The following FNIP1 variants were observed in gnomAD, a reference collection of about 807,000 sequenced individuals.
FNIP1 encodes folliculin interacting protein 1, also known as folliculin-interacting protein 1.
Under a neutral mutation model 124.5 loss-of-function variants are expected in FNIP1, and 40 were observed. The ratio of observed to expected loss-of-function variants is 0.32; its 90% CI spans 0.25 to 0.42. The LOEUF (loss-of-function observed/expected upper bound fraction) is 0.42. Ranked by LOEUF, FNIP1 falls within the 10% of genes least tolerant of loss-of-function variation. The pLI, the probability that FNIP1 is intolerant of heterozygous loss-of-function variation, is 1.00. For missense variants in FNIP1, 1,176 were observed against 1,403.7 expected (o/e 0.84, Z 2.59); for synonymous variants, 472 against 470.6 (o/e 1.00, Z -0.04).
intron 10 of FNIP1, among the ~76,000 whole-genome samples, chr5:131,701,969 G>C (rs1055069803): frequency 6.6e-6 from 1 of 152,102 alleles, no homozygotes; most frequent in African/African-American, 2.4e-5. Flanking sequence ...AAAAACTCTG[G>C]TGACAGCCAC....
intron 2 of FNIP1, among the ~76,000 whole-genome samples, chr5:131,733,065 C>T (rs1431269087): frequency 6.6e-6 from 1 of 151,884 alleles, no homozygotes; most frequent in Non-Finnish European, 1.5e-5. Flanking sequence ...AGTTGGATTC[C>T]TAGGTATTTT....
At chr5:131,777,586 G>A (rs898186175) in intron 1 of FNIP1, among the ~76,000 whole-genome samples, 4 of 152,000 alleles carry the variant, frequency 2.6e-5, no homozygotes, top group African/African-American at 7.2e-5. Context: ...AAAACAAAAG[G>A]AAATATCAAC....
chr5:131,765,531 A>C (rs1278277046), intron 1 of FNIP1, among the ~76,000 whole-genome samples: 1 of 152,234 alleles, frequency 6.6e-6, no homozygotes, highest in Admixed American at 6.5e-5. Flanking sequence ...TAAAAGGCAA[A>C]TGTAAGCATG....
chr5:131,720,050 C>T (rs949731922), intron 3 of FNIP1, among the ~76,000 whole-genome samples: 5 of 152,078 alleles, frequency 3.3e-5, no homozygotes, highest in Non-Finnish European at 7.4e-5. Flanking sequence ...CCAAATCAAC[C>T]TTGAAAAAGA....
chr5:131,733,371 T>C (rs147390193), intron 2 of FNIP1, among the ~76,000 whole-genome samples: 97,452 of 152,008 alleles, frequency 0.64, 33,101 homozygotes, highest in Non-Finnish European at 0.77. Context: ...CTATGTTGAA[T>C]AGGAGTGGTG....
chr5:131,668,274 C>G (rs1188633874), intron 15 of FNIP1, among the ~76,000 whole-genome samples: 1 of 152,136 alleles, frequency 6.6e-6, no homozygotes, highest in Non-Finnish European at 1.5e-5. Context: ...TTTGAGAATT[C>G]CATAAATATT....
intron 11 of FNIP1, among the ~76,000 whole-genome samples, chr5:131,695,089 AG>A (rs1449257722): frequency 6.7e-5 from 10 of 149,994 alleles, no homozygotes; most frequent in Non-Finnish European, 1.0e-4. Flanking sequence ...TGGGCCACAG[AG>A]TGAGACACTG....
chr5:131,761,942 A>G (rs1771245549), intron 1 of FNIP1, among the ~76,000 whole-genome samples: 1 of 152,150 alleles, frequency 6.6e-6, no homozygotes, highest in South Asian at 2.1e-4. Context: ...AGAATACAGA[A>G]CCCAGAAACA....
chr5:131,663,714 G>C (rs10064930), intron 15 of FNIP1, among the ~76,000 whole-genome samples: 11,361 of 152,220 alleles, frequency 0.075, 873 homozygotes, highest in African/African-American at 0.2. Context: ...ATGGAGTTAG[G>C]CAGGTCCCCT....
chr5:131,761,893 T>A (rs970277758), intron 1 of FNIP1, among the ~76,000 whole-genome samples: 1 of 152,272 alleles, frequency 6.6e-6, no homozygotes, highest in African/African-American at 2.4e-5. Context: ...CAAATCAGCA[T>A]GATACTGGTA....
At chr5:131,768,310 C>G (rs577559784) in intron 1 of FNIP1, among the ~76,000 whole-genome samples, 2 of 152,138 alleles carry the variant, frequency 1.3e-5, no homozygotes, top group African/African-American at 4.8e-5. Context: ...ATACGTATAC[C>G]TAATTGAAAT....
intron 2 of FNIP1, among the ~76,000 whole-genome samples, chr5:131,731,441 A>G (rs1326778791): frequency 6.6e-6 from 1 of 152,084 alleles, no homozygotes. Flanking sequence ...ATCACTTGAC[A>G]CCAGGAGTTC....
At chr5:131,714,283 T>C (rs1769394078) in intron 6 of FNIP1, among the ~76,000 whole-genome samples, 1 of 152,082 alleles carries the variant, frequency 6.6e-6, no homozygotes, top group African/African-American at 2.4e-5. Context: ...TCTACCCCTC[T>C]CTCCTTCATT....
At chr5:131,702,840 C>T (rs1768947596) in intron 10 of FNIP1, among the ~76,000 whole-genome samples, 1 of 152,172 alleles carries the variant, frequency 6.6e-6, no homozygotes, top group Non-Finnish European at 1.5e-5. Context: ...TGTTTTTTCT[C>T]CTAATTGAAT....
Position 131,706,548 on chromosome 5 carries a change from T to C in FNIP1, c.779-2A>G. The C allele has an allele frequency of 1.3e-6, 2 of 1,572,528 alleles. No individual in the cohort carries two copies. Among genetic ancestry groups the C allele is most frequent in the Non-Finnish European group, 1.7e-6 (2 of 1,159,594 alleles). On this transcript the variant is annotated splice_acceptor_variant, in intron 8 of 17. Transcript: ENST00000510461. LOFTEE classifies it high-confidence loss of function. ...TGATCAGCAAGCTGCTGAGAGATGCTGTTAAGTCAGAAGAACAACAAGTAT... is the reference window on the plus strand; with the variant it reads ...TGATCAGCAAGCTGCTGAGAGATGCCGTTAAGTCAGAAGAACAACAAGTAT...
chr5:131,734,068 G>A (rs1009499202), intron 2 of FNIP1, among the ~76,000 whole-genome samples: 1 of 152,146 alleles, frequency 6.6e-6, no homozygotes, highest in South Asian at 2.1e-4. Flanking sequence ...GAGGATGTAT[G>A]TGTTGAGGAA....
At chr5:131,668,906 C>CA (rs1177391269) in intron 15 of FNIP1, among the ~76,000 whole-genome samples, 1 of 152,024 alleles carries the variant, frequency 6.6e-6, no homozygotes. Context: ...TGTATATGGG[C>CA]AAAAAATATA....
At chr5:131,779,932 G>C (rs1248609450) in intron 1 of FNIP1, among the ~76,000 whole-genome samples, 1 of 151,880 alleles carries the variant, frequency 6.6e-6, no homozygotes, top group Non-Finnish European at 1.5e-5. Flanking sequence ...TGGGTGCAGG[G>C]CTCATGTCTA....
intron 3 of FNIP1, among the ~76,000 whole-genome samples, chr5:131,725,622 T>C (rs1029582117): frequency 1.3e-5 from 2 of 152,238 alleles, no homozygotes; most frequent in African/African-American, 4.8e-5. Context: ...TTTCTAAATA[T>C]ACAATCATGT....
Sources: gnomAD v4.1 joint callset for allele counts (sites outside exome capture counted in the v4.1 genomes callset) on GRCh38, gnomAD v4.1.1 for gene constraint, MANE v1.5 for transcripts, NCBI Gene and HGNC (gene_info 2026-07-23, HGNC 2026-07-21) for gene names.